The following UGT2A2 variants were observed in gnomAD, a reference collection of about 807,000 sequenced individuals.
UGT2A2 encodes the protein UDP glucuronosyltransferase family 2 member A2.
In UGT2A2, 60 loss-of-function variants were observed where a neutral mutation model predicts 50.7. That is an observed-to-expected ratio of 1.18 (90% confidence interval 0.96 to 1.47). The LOEUF is 1.47. Ranked by LOEUF, UGT2A2 falls within the 40% of genes most tolerant of loss-of-function variation. The pLI is 0.00. For synonymous variants in UGT2A2, 242 were observed against 214.6 expected (o/e 1.13, Z -1.11); for missense variants, 762 against 634.0 (o/e 1.20, Z -2.17).
At chr4:69,600,698 G>A (rs1719230590) in intron 1 of UGT2A2, among the ~76,000 whole-genome samples, 2 of 151,964 alleles carry the variant, frequency 1.3e-5, no homozygotes, top group Admixed American at 1.3e-4. Context: ...TCTGCTTCTG[G>A]GGAGGCCTCA....
chr4:69,617,032 T>C (rs1479990032), intron 1 of UGT2A2, among the ~76,000 whole-genome samples: 3 of 151,910 alleles, frequency 2.0e-5, no homozygotes, highest in Non-Finnish European at 4.4e-5. Context: ...AAATAGGATA[T>C]AATTTCAGTT....
rs1459282501 is a variant in UGT2A2, at chr4:69,595,290, A to G, written c.1024-41T>C. 2.5e-6 allele frequency: 4 copies of G among 1,603,190 alleles called. No homozygotes were observed. In the South Asian group the frequency reaches 3.3e-5, roughly 13 times the overall value. On this transcript the variant is annotated intron_variant, in intron 3 of 5. Transcript: ENST00000604629. ...CTTTAATTTTGCAAGGAAAAACACA[A>G]TGAGGACATTTTAAGTTGGGAGAAT...
At chr4:69,627,692 G>T (rs896227426) in intron 1 of UGT2A2, among the ~76,000 whole-genome samples, 2 of 151,622 alleles carry the variant, frequency 1.3e-5, no homozygotes, top group African/African-American at 2.4e-5. Context: ...TATATTTAAG[G>T]TTCATAAACA....
At chr4:69,609,155 AT>A (rs10627999) in intron 1 of UGT2A2, among the ~76,000 whole-genome samples, 19,635 of 142,184 alleles carry the variant, frequency 0.14, 1,443 homozygotes, top group Non-Finnish European at 0.17. Context: ...AATATATAAG[AT>A]TTTTTTTTTT....
At position 69,639,472 on chromosome 4, in the gene UGT2A2, G is replaced by A. The variant is rs753572159; in HGVS notation, c.169C>T (p.His57Tyr). The A allele has an allele frequency of 1.2e-6, 2 of 1,612,930 alleles. No homozygotes were observed. The highest frequency in any genetic ancestry group is 2.7e-5 in the African/African-American group (2 of 74,878). The change falls in exon 1 of 6, where the codon CAC becomes TAC. Residue 57 changes from histidine (H) to tyrosine (Y), a missense_variant. His to Tyr is a moderately conservative substitution (Grantham distance 83, BLOSUM62 2). Coordinates refer to ENST00000604629, the MANE Select transcript of UGT2A2 (RefSeq NM_001105677.2). The part of the protein sequence containing the change: ...IILEELIQRN[H>Y]NVTVLASSAT... ...GATGAAGCCAGTACAGTCACATTGT[G>A]ATTTCTTTGAATCAACTCTTCTAGA... is the stretch of plus-strand genomic sequence containing the variant.
At chr4:69,626,545 G>A (rs1307281269) in intron 1 of UGT2A2, among the ~76,000 whole-genome samples, 1 of 151,468 alleles carries the variant, frequency 6.6e-6, no homozygotes, top group African/African-American at 2.4e-5. Flanking sequence ...GCTCACTACT[G>A]GGTGATGGGA....
chr4:69,608,258 A>G (rs1012055292), intron 1 of UGT2A2, among the ~76,000 whole-genome samples: 2 of 152,160 alleles, frequency 1.3e-5, no homozygotes, highest in Non-Finnish European at 2.9e-5. Flanking sequence ...TGATGAGTTC[A>G]TGTCCTTTGC....
chr4:69,623,595 GACAT>G (rs1375967269), intron 1 of UGT2A2, among the ~76,000 whole-genome samples: 1 of 151,054 alleles, frequency 6.6e-6, no homozygotes, highest in African/African-American at 2.4e-5. Context: ...AATGTACAAA[GACAT>G]ACAACAGATG....
chr4:69,617,326 G>A (rs1161564775), intron 1 of UGT2A2, among the ~76,000 whole-genome samples: 2 of 151,846 alleles, frequency 1.3e-5, no homozygotes, highest in Admixed American at 6.6e-5. Context: ...TAAGTATGGT[G>A]AGTCCAAATT....
At chr4:69,633,771 G>T (rs1329839851) in intron 1 of UGT2A2, among the ~76,000 whole-genome samples, 1 of 152,134 alleles carries the variant, frequency 6.6e-6, no homozygotes, top group Non-Finnish European at 1.5e-5. Context: ...CAGAAGCCAA[G>T]AAAGTGTTTA....
In UGT2A2 at chr4:69,596,670, T is replaced by C. The variant is rs374514392; in HGVS notation, c.892-289A>G. Reference sequence around the variant, plus strand: ...CTGAGTAACTGGGATTATAGTCTCATGCCATCGTGTCTGGCTGAGTTTTGT... The same window carrying C: ...CTGAGTAACTGGGATTATAGTCTCACGCCATCGTGTCTGGCTGAGTTTTGT... On this transcript the variant is annotated intron_variant, in intron 2 of 5. Coordinates refer to ENST00000604629, the MANE Select transcript of UGT2A2 (RefSeq NM_001105677.2). Among the ~76,000 whole-genome samples, 9 of 152,266 alleles carry C rather than the reference T, an allele frequency of 5.9e-5. No individual in the cohort carries two copies. The South Asian group carries it at 6.2e-4, about 11-fold the overall frequency.
At chr4:69,613,511 A>G (rs1720190427) in intron 1 of UGT2A2, among the ~76,000 whole-genome samples, 1 of 102,366 alleles carries the variant, frequency 9.8e-6, no homozygotes. Context: ...CAAAGACACA[A>G]CAACAGTAAC....
At chr4:69,617,667 G>A (rs894100396) in intron 1 of UGT2A2, among the ~76,000 whole-genome samples, 41 of 151,572 alleles carry the variant, frequency 2.7e-4, no homozygotes, top group Non-Finnish European at 4.4e-5. Context: ...GCAACATACA[G>A]GGTCCATTAA....
chr4:69,621,582 A>C (rs977671078), intron 1 of UGT2A2, among the ~76,000 whole-genome samples: 2 of 151,968 alleles, frequency 1.3e-5, no homozygotes, highest in Non-Finnish European at 2.9e-5. Context: ...CCATTGTGGA[A>C]AGCAGTGTGG....
In UGT2A2 at chr4:69,609,155, A is replaced by ATTTTT. The variant is rs10627999; in HGVS notation, c.743-9766_743-9762dup. On this transcript the variant is annotated intron_variant, in intron 1 of 5. Transcript: ENST00000604629. The stretch of plus-strand genomic sequence containing the variant: ...CTCAGGCTCATCTAGAATATATAAG[A>ATTTTT]TTTTTTTTTTTTTTTGACACAGCGT... Among the ~76,000 whole-genome samples, 90 of 142,300 alleles carry ATTTTT rather than the reference A, an allele frequency of 6.3e-4. 1 individual carries two copies. Among genetic ancestry groups the ATTTTT allele is most frequent in the South Asian group, 4.7e-3 (21 of 4,452 alleles). 93.4% of individuals were successfully genotyped at this position (142,300 alleles called of 152,430 possible). A position where few individuals can be genotyped will look rare whatever the true frequency, so the allele number is the denominator to read the frequency against.
At chr4:69,627,279 A>T (rs549468588) in intron 1 of UGT2A2, among the ~76,000 whole-genome samples, 95 of 152,010 alleles carry the variant, frequency 6.2e-4, no homozygotes, top group Admixed American at 5.2e-3. Context: ...TATAAAAAAA[A>T]TCAAATCCAC....
rs1719471468 is a variant in UGT2A2, at chr4:69,604,312, A to T, written c.743-4918T>A. On this transcript the variant is annotated intron_variant, in intron 1 of 5. Coordinates refer to ENST00000604629, the MANE Select transcript of UGT2A2 (RefSeq NM_001105677.2). ...TCAACCCAGAATTTCATATCTAGCCAAACTAAGCTTCATAAGAGGAGAAGG... is the reference window on the plus strand; with the variant it reads ...TCAACCCAGAATTTCATATCTAGCCTAACTAAGCTTCATAAGAGGAGAAGG... Among the ~76,000 whole-genome samples the T allele has an allele frequency of 1.6e-5, 2 of 127,012 alleles. 1 individual carries two copies. The highest frequency in any genetic ancestry group is 3.4e-5 in the Non-Finnish European group (2 of 59,622). 83.3% of individuals were successfully genotyped at this position (127,012 alleles called of 152,430 possible).
At chr4:69,599,695 A>AG (rs1719150863) in intron 1 of UGT2A2, 46 of 200,534 alleles carry the variant, frequency 2.3e-4, no homozygotes, top group African/African-American at 4.0e-4. Flanking sequence ...GAAATAAAGA[A>AG]AGAGAGAGAG....
At chr4:69,618,211 G>T (rs55803022) in intron 1 of UGT2A2, among the ~76,000 whole-genome samples, 475 of 113,266 alleles carry the variant, frequency 4.2e-3, no homozygotes, top group Non-Finnish European at 5.6e-3. Flanking sequence ...GTGTGTGTGT[G>T]TGTGTATGTT....
Sources: allele counts gnomAD v4.1 joint callset (sites outside exome capture counted in the v4.1 genomes callset), GRCh38; gene constraint gnomAD v4.1.1; transcripts MANE v1.5; gene names NCBI Gene and HGNC (gene_info 2026-07-23, HGNC 2026-07-21).